The following ROBO2 variants were observed in gnomAD, a reference collection of about 807,000 sequenced individuals.
The protein encoded by ROBO2 is roundabout guidance receptor 2.
A neutral mutation model predicts 160.8 loss-of-function variants in ROBO2; 53 were observed. That is an observed-to-expected ratio of 0.33 (90% CI 0.26 to 0.41). The LOEUF (loss-of-function observed/expected upper bound fraction) is 0.41. Ranked by LOEUF, ROBO2 falls within the 10% of genes least tolerant of loss-of-function variation. The pLI is 1.00. For synonymous variants in ROBO2, 664 were observed against 611.7 expected (o/e 1.09, Z -1.26); for missense variants, 1,577 against 1,722.4 (o/e 0.92, Z 1.49).
At chr3:76,502,959 G>A (rs2080552515) in intron 2 of ROBO2, among the ~76,000 whole-genome samples, 1 of 151,678 alleles carries the variant, frequency 6.6e-6, no homozygotes, top group African/African-American at 2.4e-5. Context: ...TAGTAGTCAG[G>A]GTTCTCTTAG....
intron 2 of ROBO2, among the ~76,000 whole-genome samples, chr3:75,950,366 G>A (rs959196857): frequency 1.3e-5 from 2 of 151,936 alleles, no homozygotes; most frequent in African/African-American, 2.4e-5. Context: ...CTTTGTTAAG[G>A]AACTGAAGGA....
chr3:76,391,472 C>A (rs1438083261), intron 2 of ROBO2, among the ~76,000 whole-genome samples: 2 of 151,694 alleles, frequency 1.3e-5, no homozygotes, highest in Non-Finnish European at 2.9e-5. Context: ...TGTATGTTAT[C>A]TCCATTTTTC....
At chr3:77,640,984 A>G (rs2153722499) in intron 24 of ROBO2, among the ~76,000 whole-genome samples, 1 of 152,348 alleles carries the variant, frequency 6.6e-6, no homozygotes, top group African/African-American at 2.4e-5. Flanking sequence ...AATAAAAATC[A>G]ATGACAAGAT....
At chr3:76,496,698 C>A (rs2080169947) in intron 2 of ROBO2, among the ~76,000 whole-genome samples, 1 of 152,166 alleles carries the variant, frequency 6.6e-6, no homozygotes, top group Admixed American at 6.6e-5. Context: ...ACTCATCCAA[C>A]CGCTAAAGTC....
intron 4 of ROBO2, among the ~76,000 whole-genome samples, chr3:77,491,303 G>A (rs188918472): frequency 1.3e-5 from 2 of 152,272 alleles, no homozygotes; most frequent in Admixed American, 1.3e-4. Flanking sequence ...AAAGGGAACA[G>A]GAAAGGTCTC....
At chr3:75,929,092 AG>A (rs1354416954) in intron 1 of ROBO2, among the ~76,000 whole-genome samples, 3 of 109,080 alleles carry the variant, frequency 2.8e-5, no homozygotes, top group East Asian at 2.7e-4. Context: ...GTGTGTGTGG[AG>A]GGGGGGTAGC....
At chr3:76,036,960 C>T (rs2067129880) in intron 2 of ROBO2, among the ~76,000 whole-genome samples, 1 of 151,974 alleles carries the variant, frequency 6.6e-6, no homozygotes, top group Non-Finnish European at 1.5e-5. Context: ...GCTTGTTTTT[C>T]AGTGTGTTCA....
At chr3:75,935,383 G>T (rs1181322046) in intron 1 of ROBO2, among the ~76,000 whole-genome samples, 1 of 151,932 alleles carries the variant, frequency 6.6e-6, no homozygotes, top group African/African-American at 2.4e-5. Flanking sequence ...ATGGTGGTGC[G>T]TGCCTGTAGC....
At chr3:76,375,509 T>C (rs1459431121) in intron 2 of ROBO2, among the ~76,000 whole-genome samples, 1 of 151,936 alleles carries the variant, frequency 6.6e-6, no homozygotes, top group African/African-American at 2.4e-5. Flanking sequence ...TGCATCCTTA[T>C]CCTCAATAAT....
intron 2 of ROBO2, among the ~76,000 whole-genome samples, chr3:77,212,745 T>G (rs1423853337): frequency 6.6e-6 from 1 of 152,210 alleles, no homozygotes; most frequent in Non-Finnish European, 1.5e-5. Context: ...TTGAGATACA[T>G]CCCATCAATA....
At chr3:76,929,478 A>G (rs1181414563) in intron 2 of ROBO2, among the ~76,000 whole-genome samples, 1 of 151,932 alleles carries the variant, frequency 6.6e-6, no homozygotes, top group African/African-American at 2.4e-5. Context: ...TTCACACAAC[A>G]CTCACTACTA....
At chr3:76,985,575 G>GGAA (rs2060332419) in intron 2 of ROBO2, among the ~76,000 whole-genome samples, 2 of 26,358 alleles carry the variant, frequency 7.6e-5, no homozygotes, top group South Asian at 4.1e-3. Flanking sequence ...GACTCCGTCT[G>GGAA]AAAAAAAAAA....
chr3:76,349,637 A>AT (rs1338125455), intron 2 of ROBO2, among the ~76,000 whole-genome samples: 1 of 152,112 alleles, frequency 6.6e-6, no homozygotes, highest in Non-Finnish European at 1.5e-5. Flanking sequence ...AGGGTCTGAG[A>AT]TTTCACGTTA....
intron 2 of ROBO2, among the ~76,000 whole-genome samples, chr3:76,321,349 TC>T (rs1203399304): frequency 5.3e-5 from 8 of 151,864 alleles, no homozygotes; most frequent in African/African-American, 1.9e-4. Flanking sequence ...ACCCTGTATC[TC>T]CTAAAAATAC....
chr3:77,305,524 G>C (rs1229050436), intron 2 of ROBO2, among the ~76,000 whole-genome samples: 1 of 152,168 alleles, frequency 6.6e-6, no homozygotes, highest in African/African-American at 2.4e-5. Flanking sequence ...ATGGTGTTGA[G>C]ATATTGTCTG....
chr3:76,463,396 A>C (rs896430025), intron 2 of ROBO2, among the ~76,000 whole-genome samples: 3 of 152,106 alleles, frequency 2.0e-5, no homozygotes, highest in Non-Finnish European at 2.9e-5. Context: ...AATAAAAAAA[A>C]CTATAATTTT....
intron 2 of ROBO2, among the ~76,000 whole-genome samples, chr3:76,209,292 TC>T (rs1702997590): frequency 6.6e-6 from 1 of 152,196 alleles, no homozygotes; most frequent in South Asian, 2.1e-4. Context: ...CTCCTTTGAA[TC>T]AGTTGTAATA....
intron 2 of ROBO2, among the ~76,000 whole-genome samples, chr3:76,543,806 T>A (rs1284766340): frequency 1.3e-5 from 2 of 151,754 alleles, no homozygotes; most frequent in Non-Finnish European, 1.5e-5. Context: ...CCAGACCATC[T>A]TTTTTTTGAA....
At chr3:77,227,138 T>C (rs112315108) in intron 2 of ROBO2, among the ~76,000 whole-genome samples, 1,867 of 152,258 alleles carry the variant, frequency 0.012, 39 homozygotes, top group African/African-American at 0.041. Flanking sequence ...TGATTTTCTT[T>C]TTTTTGTAGT....
Sources: allele counts gnomAD v4.1 joint callset (sites outside exome capture counted in the v4.1 genomes callset), GRCh38; gene constraint gnomAD v4.1.1; transcripts MANE v1.5; gene names NCBI Gene and HGNC (gene_info 2026-07-23, HGNC 2026-07-21).